The following LOC400499 variants were observed in gnomAD, a reference collection of about 807,000 sequenced individuals.
chr16:11,407,232 T>G, the LOC400499 span: 1 of 398,782 alleles, frequency 2.5e-6, no homozygotes, highest in African/African-American at 2.1e-5. Context: ...TTGATGAAAT[T>G]GTTGAGACCG....
At chr16:11,448,961 C>T in the LOC400499 span, 1 of 1,504,322 alleles carries the variant, frequency 6.6e-7, no homozygotes, top group Admixed American at 2.0e-5. Context: ...TCAGCTCCTG[C>T]TGGGGGCCTT....
the LOC400499 span, among the ~76,000 whole-genome samples, chr16:11,461,498 G>C: frequency 1.2e-3 from 187 of 152,306 alleles, no homozygotes; most frequent in African/African-American, 4.3e-3. Flanking sequence ...TGGGATTTCA[G>C]GCGTGAGACA....
At chr16:11,397,779 G>GAGGGAGGT in the LOC400499 span, among the ~76,000 whole-genome samples, 1 of 142,274 alleles carries the variant, frequency 7.0e-6, no homozygotes, top group African/African-American at 2.6e-5. Flanking sequence ...GGGATGGAGG[G>GAGGGAGGT]AGGGAGGGAG....
chr16:11,516,289 G>T, the LOC400499 span: 1 of 399,390 alleles, frequency 2.5e-6, no homozygotes, highest in African/African-American at 2.1e-5. Context: ...AGCGGAGTGG[G>T]TTACGGCCCA....
the LOC400499 span, chr16:11,478,392 G>C: frequency 5.0e-6 from 2 of 397,394 alleles, no homozygotes; most frequent in Admixed American, 4.4e-5. Flanking sequence ...GCCGTGGTAA[G>C]TGAATCAACA....
the LOC400499 span, among the ~76,000 whole-genome samples, chr16:11,487,834 C>G: frequency 0.074 from 11,211 of 152,152 alleles, 790 homozygotes; most frequent in East Asian, 0.3. Flanking sequence ...ACAGTGTTTC[C>G]GCCAGGCACA....
At chr16:11,509,938 A>G in the LOC400499 span, among the ~76,000 whole-genome samples, 4 of 152,002 alleles carry the variant, frequency 2.6e-5, no homozygotes, top group Non-Finnish European at 5.9e-5. Flanking sequence ...GGAAGCCAGG[A>G]ATGGAGTGAG....
chr16:11,489,896 C>G, the LOC400499 span, among the ~76,000 whole-genome samples: 2 of 152,224 alleles, frequency 1.3e-5, no homozygotes, highest in South Asian at 4.1e-4. Context: ...GTGAGATTAA[C>G]TCAAGGGCCA....
the LOC400499 span, among the ~76,000 whole-genome samples, chr16:11,492,106 C>G: frequency 6.6e-6 from 1 of 152,170 alleles, no homozygotes. Context: ...GGCATGGCTA[C>G]GTTCCAATAA....
the LOC400499 span, among the ~76,000 whole-genome samples, chr16:11,456,325 G>T: frequency 6.6e-6 from 1 of 152,226 alleles, no homozygotes; most frequent in African/African-American, 2.4e-5. Flanking sequence ...TAGGATTACA[G>T]GCGTGAGCCA....
chr16:11,413,073 T>C, the LOC400499 span: 221 of 396,078 alleles, frequency 5.6e-4, no homozygotes, highest in Non-Finnish European at 9.4e-5. Context: ...AAGCCCAGCA[T>C]GGCCTGGCTC....
the LOC400499 span, among the ~76,000 whole-genome samples, chr16:11,464,962 C>A: frequency 2.0e-5 from 3 of 152,196 alleles, no homozygotes; most frequent in Admixed American, 2.0e-4. Flanking sequence ...TCTCCCCTGA[C>A]ATAGGTCTTC....
chr16:11,400,863 T>C, the LOC400499 span, among the ~76,000 whole-genome samples: 2 of 152,076 alleles, frequency 1.3e-5, no homozygotes, highest in African/African-American at 4.8e-5. Flanking sequence ...CTCCCTTTCA[T>C]AGATGGGAAA....
At chr16:11,522,114 T>G in the LOC400499 span, 1 of 355,400 alleles carries the variant, frequency 2.8e-6, no homozygotes, top group Non-Finnish European at 4.7e-6. Context: ...CAGCTGACCC[T>G]GAAGGGCAGA....
At chr16:11,514,473 A>C in the LOC400499 span, 1 of 399,480 alleles carries the variant, frequency 2.5e-6, no homozygotes, top group African/African-American at 2.1e-5. Context: ...AGCTCTGTGC[A>C]GGAGGCCTCC....
the LOC400499 span, among the ~76,000 whole-genome samples, chr16:11,503,638 G>T: frequency 6.6e-6 from 1 of 152,192 alleles, no homozygotes; most frequent in African/African-American, 2.4e-5. Context: ...CACGCAGCTC[G>T]ATCTCAGCAA....
the LOC400499 span, chr16:11,485,162 C>A: frequency 2.5e-6 from 1 of 398,114 alleles, no homozygotes; most frequent in Non-Finnish European, 4.4e-6. Flanking sequence ...AATGGAGGAC[C>A]CAGAAGGCTT....
At chr16:11,396,597 G>A in the LOC400499 span, 2 of 1,232,154 alleles carry the variant, frequency 1.6e-6, no homozygotes, top group Non-Finnish European at 2.0e-6. Flanking sequence ...TCTGGGTCTG[G>A]TGCAAGGCCC....
chr16:11,391,907 A>G, the LOC400499 span: 2 of 1,025,240 alleles, frequency 2.0e-6, no homozygotes, highest in Non-Finnish European at 2.5e-6. Flanking sequence ...TCCAGGGCAG[A>G]GAGAGCCCCA....
Sources: gnomAD v4.1 joint callset for allele counts (sites outside exome capture counted in the v4.1 genomes callset) on GRCh38, gnomAD v4.1.1 for gene constraint, MANE v1.5 for transcripts.